Variants in FAIM2 observed in about 807,000 individuals in gnomAD.
The protein encoded by FAIM2 is protein lifeguard 2.
In FAIM2, 27 loss-of-function variants were observed where a neutral mutation model predicts 47.4. The observed-to-expected ratio is 0.57, with a 90% confidence interval of 0.42 to 0.78. FAIM2 has a LOEUF of 0.78. Among genes scored for constraint, FAIM2 ranks in the 30% least tolerant of loss-of-function variants. FAIM2 has a pLI of 0.00. For synonymous variants in FAIM2, 156 were observed against 159.3 expected (o/e 0.98, Z 0.16); for missense variants, 311 against 389.4 (o/e 0.80, Z 1.69).
intron 5 of FAIM2, among the ~76,000 whole-genome samples, chr12:49,892,869 C>G (rs939936784): frequency 5.9e-5 from 9 of 152,210 alleles, no homozygotes; most frequent in African/African-American, 2.2e-4. Flanking sequence ...AGCTCCCTGT[C>G]TCCCCTGCTC....
chr12:49,871,669 C>CTTTTCT (rs1317577784), intron 11 of FAIM2, among the ~76,000 whole-genome samples: 2 of 141,526 alleles, frequency 1.4e-5, no homozygotes, highest in Non-Finnish European at 3.1e-5. Flanking sequence ...CTTTTCTTTT[C>CTTTTCT]TTTTTTTTTT....
intron 2 of FAIM2, 52 bp downstream of exon 2, chr12:49,901,078 G>A: frequency 7.0e-7 from 1 of 1,429,210 alleles, no homozygotes. Context: ...TTTTCCCTCT[G>A]GGTCCACCCC....
intron 5 of FAIM2, 125 bp downstream of exon 5, chr12:49,896,906 G>C (rs547193302): frequency 5.0e-6 from 4 of 799,188 alleles, no homozygotes; most frequent in South Asian, 1.4e-5. Context: ...GGGGATCTGT[G>C]AGGACAGTCC....
At chr12:49,884,779 C>T (rs1188456351) in intron 11 of FAIM2, among the ~76,000 whole-genome samples, 1 of 152,178 alleles carries the variant, frequency 6.6e-6, no homozygotes, top group East Asian at 1.9e-4. Flanking sequence ...TCGAGACCAT[C>T]CTGGCTAACA....
intron 5 of FAIM2, among the ~76,000 whole-genome samples, chr12:49,892,834 A>G (rs1946909477): frequency 6.6e-6 from 1 of 152,202 alleles, no homozygotes; most frequent in East Asian, 1.9e-4. Flanking sequence ...TTCAGACACA[A>G]GTAATGTTCA....
intron 11 of FAIM2, among the ~76,000 whole-genome samples, chr12:49,872,499 G>A (rs966142882): frequency 2.6e-5 from 4 of 152,160 alleles, no homozygotes; most frequent in Non-Finnish European, 4.4e-5. Flanking sequence ...CTTCACCTCC[G>A]CCATGGACTC....
intron 5 of FAIM2, among the ~76,000 whole-genome samples, 177 bp downstream of exon 5, chr12:49,896,854 T>A (rs1337329008): frequency 1.3e-5 from 2 of 152,090 alleles, no homozygotes; most frequent in Non-Finnish European, 2.9e-5. Context: ...GAAAGGTGCT[T>A]CTGGCCATGC....
chr12:49,890,084 T>A, intron 8 of FAIM2, 33 bp downstream of exon 8: 1 of 1,609,794 alleles, frequency 6.2e-7, no homozygotes. Flanking sequence ...GCCTGGCCTA[T>A]GGTCCTTCTC....
At chr12:49,879,857 C>G (rs1356462121) in intron 11 of FAIM2, among the ~76,000 whole-genome samples, 2 of 144,928 alleles carry the variant, frequency 1.4e-5, no homozygotes, top group South Asian at 4.5e-4. Context: ...TATGTATGTT[C>G]ATGTGTATAT....
chr12:49,887,239 A>C lies in FAIM2; in HGVS notation c.801+147T>G, dbSNP rs576293872. The C allele has an allele frequency of 9.0e-3, 6,338 of 700,670 alleles. 60 individuals carry two copies. Among genetic ancestry groups the C allele is most frequent in the Middle Eastern group, 0.036 (114 of 3,188 alleles). The allele number at this position is 700,670 out of a possible 1,614,324, so 43.4% of individuals were successfully genotyped here. A position where few individuals can be genotyped will look rare whatever the true frequency, so the allele number is the denominator to read the frequency against. On this transcript the variant is annotated intron_variant, in intron 11 of 11. Coordinates refer to ENST00000320634, the MANE Select transcript of FAIM2 (RefSeq NM_012306.4). ...TAGAATCCCCCAAATGAACAAACAA[A>C]CAAACGCAGCACCGAGCCTAGCCCT...
intron 5 of FAIM2, among the ~76,000 whole-genome samples, 199 bp from the exon 6 acceptor site, chr12:49,891,313 G>A (rs1256639555): frequency 1.3e-5 from 2 of 152,268 alleles, no homozygotes; most frequent in Non-Finnish European, 2.9e-5. Flanking sequence ...AGGATGGGAC[G>A]AGCCTGCTTC....
Position 49,891,097 on chromosome 12 carries a change from G to A in FAIM2, c.452C>T (p.Thr151Ile), listed in dbSNP as rs766987915. ...YWASYAVFFA[T>I]YLTLACCSGP... ...AGAACAGCAAGCCAGGGTCAGGTAGGTTGCAAAGAACACAGCACTGTGAGA... is the reference window on the plus strand; with the variant it reads ...AGAACAGCAAGCCAGGGTCAGGTAGATTGCAAAGAACACAGCACTGTGAGA... The change falls in exon 6 of 12, where the codon ACC becomes ATC. Residue 151 changes from threonine to isoleucine, a missense_variant. Physicochemically the swap from Thr to Ile is moderately conservative, Grantham distance 89. Coordinates refer to ENST00000320634, the MANE Select transcript of FAIM2 (RefSeq NM_012306.4). 1 of 1,614,042 alleles carries A rather than the reference G, an allele frequency of 6.2e-7. No individual in the cohort carries two copies. Among genetic ancestry groups the A allele is most frequent in the South Asian group, 1.1e-5 (1 of 91,084 alleles).
chr12:49,887,721 T>C (rs1946871741), intron 10 of FAIM2, among the ~76,000 whole-genome samples: 1 of 152,062 alleles, frequency 6.6e-6, no homozygotes, highest in African/African-American at 2.4e-5. Context: ...CAGATGAAGA[T>C]GACTCTCGGT....
Position 49,870,571 on chromosome 12 carries a change from T to C in FAIM2, c.884A>G (p.Asn295Ser), listed in dbSNP as rs1360730675. 1 of 1,613,920 alleles carries C rather than the reference T, an allele frequency of 6.2e-7. No homozygotes were observed. Among genetic ancestry groups the C allele is most frequent in the Non-Finnish European group, 8.5e-7 (1 of 1,179,880 alleles). Reference sequence around the variant, plus strand: ...GATATAGATGATGTCTAGGTAAATGTTGAGGGCTCCAAAAATATACTCCTC... The same window carrying C: ...GATATAGATGATGTCTAGGTAAATGCTGAGGGCTCCAAAAATATACTCCTC... ...SPEEYIFGAL[N>S]IYLDIIYIFT... The change falls in exon 12 of 12, where the codon AAC (asparagine) becomes AGC (serine). Residue 295 changes from asparagine (N) to serine (S), a missense_variant. Physicochemically the swap from Asn to Ser is conservative, Grantham distance 46. Coordinates refer to ENST00000320634, the MANE Select transcript of FAIM2 (RefSeq NM_012306.4).
chr12:49,894,850 T>C (rs1184287455), intron 5 of FAIM2, among the ~76,000 whole-genome samples: 1 of 152,106 alleles, frequency 6.6e-6, no homozygotes, highest in African/African-American at 2.4e-5. Flanking sequence ...AAAGATCAAG[T>C]GAAAAACACA....
intron 11 of FAIM2, among the ~76,000 whole-genome samples, chr12:49,873,405 C>T (rs888834354): frequency 1.3e-5 from 2 of 151,954 alleles, no homozygotes; most frequent in Non-Finnish European, 2.9e-5. Context: ...ATTTGGATTC[C>T]CAAGCACATT....
At chr12:49,873,565 C>T (rs1428114536) in intron 11 of FAIM2, among the ~76,000 whole-genome samples, 1 of 152,082 alleles carries the variant, frequency 6.6e-6, no homozygotes, top group African/African-American at 2.4e-5. Flanking sequence ...AGCCTGGTCA[C>T]CCCTGGGTGA....
In FAIM2 at chr12:49,869,338, A is replaced by G. The variant is rs1274646293; in HGVS notation, c.*1166T>C. 6.5e-6 allele frequency: 1 copy of G among 153,284 alleles called. No individual in the cohort carries two copies. The highest frequency in any genetic ancestry group is 1.5e-5 in the Non-Finnish European group (1 of 68,586). The allele number at this position is 153,284 out of a possible 1,614,324, so 9.5% of individuals were successfully genotyped here. A position where few individuals can be genotyped will look rare whatever the true frequency, so the allele number is the denominator to read the frequency against. ...GCTTCCAAATTGGAGAGATGCAGAG[A>G]TAAGTGGGGGAGCACTTAGGGACTC... On this transcript the variant is annotated 3_prime_UTR_variant, in exon 12 of 12. Transcript: ENST00000320634.
At position 49,878,600 on chromosome 12, in the gene FAIM2, G is replaced by GTGTGCATGTGTGTGTGCA. The variant is rs1565613367; in HGVS notation, c.802-7948_802-7947insTGCACACACACATGCACA. ...TGTATATGTACATGTGTATGTGTAT[G>GTGTGCATGTGTGTGTGCA]TGTGCATGTGTATGTGTGCATATGT... is the stretch of plus-strand genomic sequence containing the variant. On this transcript the variant is annotated intron_variant, in intron 11 of 11. Transcript: ENST00000320634. Among the ~76,000 whole-genome samples, 24 of 124,328 alleles carry GTGTGCATGTGTGTGTGCA rather than the reference G, an allele frequency of 1.9e-4. 4 individuals carry two copies. Among genetic ancestry groups the GTGTGCATGTGTGTGTGCA allele is most frequent in the African/African-American group, 8.0e-4 (24 of 30,032 alleles). The allele number at this position is 124,328 out of a possible 152,430, so 81.6% of individuals were successfully genotyped here. A position where few individuals can be genotyped will look rare whatever the true frequency, so the allele number is the denominator to read the frequency against.
Sources: gnomAD v4.1 joint callset for allele counts (sites outside exome capture counted in the v4.1 genomes callset) on GRCh38, gnomAD v4.1.1 for gene constraint, MANE v1.5 for transcripts, NCBI Gene and HGNC (gene_info 2026-07-23, HGNC 2026-07-21) for gene names.